Variants in LARP1 observed in about 807,000 individuals in gnomAD.
LARP1 encodes La ribonucleoprotein 1, translational regulator, also known as la-related protein 1.
LARP1 carries 36 observed loss-of-function variants against 122.7 expected under a neutral mutation model. The observed-to-expected ratio is 0.29, with a 90% CI of 0.22 to 0.39. LARP1 has a LOEUF of 0.39. Among genes scored for constraint, LARP1 ranks in the 10% least tolerant of loss-of-function variants. The probability of loss-of-function intolerance (pLI) is 1.00; values close to 1 mark genes in which losing one functional copy is unlikely to be tolerated. For synonymous variants in LARP1, 539 were observed against 528.7 expected, an observed-to-expected ratio of 1.02 and a Z score of -0.27; for missense variants, 1,040 against 1,403.6, an observed-to-expected ratio of 0.74 and a Z score of 4.14.
chr5:154,775,241 G>A (rs1035200441), intron 1 of LARP1, among the ~76,000 whole-genome samples: 31 of 152,064 alleles, frequency 2.0e-4, no homozygotes. Context: ...TTGAGGCTGC[G>A]GTGAGCTAGG....
At position 154,687,996 on chromosome 5, in the gene LARP1, C is replaced by T. The variant is rs372046665; in HGVS notation, c.-180+4959C>T. On this transcript the variant is annotated intron_variant, in intron 1 of 18. Transcript: ENST00000687700. Reference sequence around the variant, plus strand: ...GGATTATCCGAGGCATCTGGAGATGCATGTCCCTCAGTTTCCCTGTGCCTC... The same window carrying T: ...GGATTATCCGAGGCATCTGGAGATGTATGTCCCTCAGTTTCCCTGTGCCTC... 1.6e-4 allele frequency among the ~76,000 whole-genome samples: 24 copies of T among 152,266 alleles called. 1 individual carries two copies. In the South Asian group the frequency reaches 5.0e-3, roughly 32 times the overall value.
Position 154,807,909 on chromosome 5 carries a change from T to C in LARP1, c.2699-550T>C, listed in dbSNP as rs12109377. On this transcript the variant is annotated intron_variant, in intron 15 of 18. Coordinates refer to ENST00000518297, the MANE Select transcript of LARP1 (RefSeq NM_033551.3). ...AGTTATTAAGTTGTAGGAATTCCTT[T>C]ATCAAATACGTGATTTGCAAATATT... Among the ~76,000 whole-genome samples, 1,216 of 152,370 alleles carry C rather than the reference T, an allele frequency of 8.0e-3. 11 individuals carry two copies. Among genetic ancestry groups the C allele is most frequent in the African/African-American group, 0.028 (1,177 of 41,596 alleles).
chr5:154,813,846 A>G (rs1191005604), intron 18 of LARP1, 41 bp from the exon 19 acceptor site: 18 of 1,563,712 alleles, frequency 1.2e-5, no homozygotes, highest in Non-Finnish European at 1.4e-5. Context: ...GAGGGCGTAG[A>G]TAGTGCTTCT....
intron 1 of LARP1, among the ~76,000 whole-genome samples, chr5:154,686,780 A>T (rs1445462920): frequency 6.6e-6 from 1 of 152,216 alleles, no homozygotes; most frequent in Non-Finnish European, 1.5e-5. Context: ...TTCAGATCCT[A>T]CAGACCCTTA....
At position 154,816,725 on chromosome 5, in the gene LARP1, G is replaced by T. The variant is rs977367226; in HGVS notation, c.*2629G>T. ...CTACCATCGTCCCATGGGGATCCAA[G>T]ACCTGAGATAAAGCAACAGCCTGCC... On this transcript the variant is annotated 3_prime_UTR_variant, in exon 19 of 19. Transcript: ENST00000518297. The T allele has an allele frequency of 7.9e-5, 12 of 152,522 alleles. No individual in the cohort carries two copies. Among genetic ancestry groups the T allele is most frequent in the African/African-American group, 2.4e-4 (10 of 41,468 alleles). The allele number at this position is 152,522 out of a possible 1,614,324, so 9.4% of individuals were successfully genotyped here.
chr5:154,789,408 A>G (rs1485787841), intron 1 of LARP1, among the ~76,000 whole-genome samples: 2 of 151,546 alleles, frequency 1.3e-5, no homozygotes, highest in Non-Finnish European at 2.9e-5. Context: ...TTTAATAGAG[A>G]CAGGGTTTCG....
chr5:154,779,126 C>T (rs1756177976), intron 1 of LARP1, among the ~76,000 whole-genome samples: 1 of 152,082 alleles, frequency 6.6e-6, no homozygotes, highest in Non-Finnish European at 1.5e-5. Flanking sequence ...TTCATTTAAT[C>T]TGTTAATCCT....
chr5:154,775,531 G>A (rs923677037), intron 1 of LARP1, among the ~76,000 whole-genome samples: 3 of 151,242 alleles, frequency 2.0e-5, no homozygotes, highest in African/African-American at 7.3e-5. Context: ...TGCGGCTTTG[G>A]TGCTTGCTGG....
chr5:154,730,621 T>TA lies in LARP1; in HGVS notation c.205+17491_205+17492insA, dbSNP rs1204631137. Among the ~76,000 whole-genome samples, 1,493 of 152,160 alleles carry TA rather than the reference T, an allele frequency of 9.8e-3. 24 individuals are homozygous for TA. The highest frequency in any genetic ancestry group is 0.033 in the African/African-American group (1,379 of 41,502). On this transcript the variant is annotated intron_variant, in intron 1 of 18. Coordinates refer to the LARP1 transcript ENST00000336314. ...CCGAGTAGCTGGAATTACAGGTGCA[T>TA]GCCACCATGCCTGGCTAGTTTTTTG... is the stretch of plus-strand genomic sequence containing the variant.
chr5:154,796,147 T>TTA (rs1017964248), intron 8 of LARP1, among the ~76,000 whole-genome samples: 3 of 125,714 alleles, frequency 2.4e-5, no homozygotes, highest in African/African-American at 6.1e-5. Context: ...TATTTATATA[T>TTA]TATATATATA....
chr5:154,756,487 C>T (rs1412946714), intron 1 of LARP1: 14 of 985,760 alleles, frequency 1.4e-5, no homozygotes, highest in African/African-American at 3.5e-5. Flanking sequence ...AGGGTGGGCG[C>T]TGGTTTCAGT....
At chr5:154,735,482 T>C (rs1270617105) in intron 1 of LARP1, among the ~76,000 whole-genome samples, 2 of 152,022 alleles carry the variant, frequency 1.3e-5, no homozygotes, top group Non-Finnish European at 2.9e-5. Context: ...CTTTCAAATC[T>C]TTTGGATATA....
At chr5:154,779,235 A>G (rs948159051) in intron 1 of LARP1, among the ~76,000 whole-genome samples, 1 of 152,160 alleles carries the variant, frequency 6.6e-6, no homozygotes, top group Admixed American at 6.6e-5. Context: ...TTGCCTCCTC[A>G]TGAACCTAGT....
rs551077789 is a variant in LARP1, at chr5:154,696,488, A to G, written c.-180+13451A>G. On this transcript the variant is annotated intron_variant, in intron 1 of 18. Coordinates refer to the LARP1 transcript ENST00000687700. The stretch of plus-strand genomic sequence containing the variant: ...TCTCTGAATGCAAAATGATAATGGG[A>G]AATGTTTTTCCAGCCCTTACTGTGT... Among the ~76,000 whole-genome samples the G allele has an allele frequency of 8.5e-4, 130 of 152,348 alleles. 1 individual carries two copies. Among genetic ancestry groups the G allele is most frequent in the Non-Finnish European group, 1.4e-3 (97 of 68,032 alleles).
Position 154,806,006 on chromosome 5 carries a change from A to C in LARP1, c.2672A>C (p.His891Pro). Residue 891 changes from histidine to proline, a missense_variant, in exon 15 of 19, where the codon CAT becomes CCT. This residue lies in a region of LARP1 where 59 missense variants were observed against 137.2 expected (regional missense o/e 0.43). Transcript: ENST00000518297. ...AATGGCTTCACACAACACGTCTACC[A>C]TAAGTATCGTAGGCGCTGCCTTAAT... ...KENGFTQHVY[H>P]KYRRRCLNER... 6.2e-7 allele frequency: 1 copy of C among 1,614,114 alleles called. No homozygotes were observed. The highest frequency in any genetic ancestry group is 1.1e-5 in the South Asian group (1 of 91,074).
chr5:154,724,225 A>G (rs568717439), intron 1 of LARP1, among the ~76,000 whole-genome samples: 1 of 152,330 alleles, frequency 6.6e-6, no homozygotes, highest in South Asian at 2.1e-4. Flanking sequence ...AGATCCAGTT[A>G]CTCTGCCAAG....
intron 1 of LARP1, among the ~76,000 whole-genome samples, chr5:154,696,579 G>A (rs1582152929): frequency 6.6e-6 from 1 of 152,088 alleles, no homozygotes; most frequent in East Asian, 1.9e-4. Flanking sequence ...ATCCTATAAG[G>A]TAAAGAAAAT....
chr5:154,736,254 C>T (rs1409730312), intron 1 of LARP1, among the ~76,000 whole-genome samples: 2 of 151,798 alleles, frequency 1.3e-5, no homozygotes, highest in African/African-American at 2.4e-5. Flanking sequence ...TGCCACCACA[C>T]CTGGCTAATT....
chr5:154,740,105 A>T (rs1757143896), intron 1 of LARP1, among the ~76,000 whole-genome samples: 1 of 150,286 alleles, frequency 6.7e-6, no homozygotes, highest in South Asian at 2.1e-4. Flanking sequence ...AAAAAAAAAA[A>T]AAATAGCTGG....
Sources: allele counts gnomAD v4.1 joint callset (sites outside exome capture counted in the v4.1 genomes callset), GRCh38; gene constraint gnomAD v4.1.1; regional missense constraint gnomAD v4.1.1; transcripts MANE v1.5; gene names NCBI Gene and HGNC (gene_info 2026-07-23, HGNC 2026-07-21).